Variants in FOXQ1 observed in about 807,000 individuals in gnomAD.
The protein encoded by FOXQ1 is forkhead box Q1.
In FOXQ1, 1 loss-of-function variant was observed where a neutral mutation model predicts 0.6. The observed-to-expected ratio is 1.73, with a 90% CI of 0.61 to 8.20. The LOEUF (loss-of-function observed/expected upper bound fraction) is 8.20, where lower values mean the gene tolerates loss of function less well. FOXQ1 is among the 30% of genes most tolerant of loss of function. FOXQ1 has a pLI of 0.13. For synonymous variants in FOXQ1, 377 were observed against 294.4 expected (o/e 1.28, Z -2.87); for missense variants, 734 against 595.6 (o/e 1.23, Z -2.42).
rs1757590372 is a variant in FOXQ1 at position 1,313,660 on chromosome 6, C to T, written c.956C>T (p.Ala319Val). ...PALLPAAPCR[A>V]LLPLCAYGAG... ...CTCCTCCCCGCGGCGCCCTGCAGGG[C>T]CCTGCTGCCGCTCTGCGCGTACGGC... Residue 319 changes from alanine (A) to valine (V), a missense_variant, in exon 1 of 1, where the codon GCC (alanine) becomes GTC (valine). By Grantham distance (64) the Ala-to-Val change is moderately conservative. Transcript: ENST00000296839. The surrounding 1 kb of genome is among the most constrained non-coding windows in gnomAD (Gnocchi z 5.2). 9.6e-6 allele frequency: 10 copies of T among 1,043,916 alleles called. No individual in the cohort carries two copies. Among genetic ancestry groups the T allele is most frequent in the Admixed American group, 5.7e-5 (1 of 17,408 alleles). The allele number at this position is 1,043,916 out of a possible 1,614,324, so 64.7% of individuals were successfully genotyped here.
rs78460560 is a variant in FOXQ1 at position 1,312,843 on chromosome 6, G to A, written c.139G>A (p.Ala47Thr). ...DDSLGSDGDC[A>T]ANSPAAGGGA... ...CTCCCTGGGCTCAGATGGGGACTGC[G>A]CGGCCAACAGCCCGGCCGCGGGCGG... Residue 47 changes from alanine to threonine, a missense_variant, in exon 1 of 1, where the codon GCG (alanine) becomes ACG (threonine). Coordinates refer to ENST00000296839, the MANE Select transcript of FOXQ1 (RefSeq NM_033260.4). 262,647 of 1,288,654 alleles carry A rather than the reference G, an allele frequency of 0.2. 27,221 individuals are homozygous for A. The highest frequency in any genetic ancestry group is 0.3 in the East Asian group (9,691 of 32,122). 79.8% of individuals were successfully genotyped at this position (1,288,654 alleles called of 1,614,324 possible). A position where few individuals can be genotyped will look rare whatever the true frequency, so the allele number is the denominator to read the frequency against.
In FOXQ1 at chr6:1,313,348, G is replaced by C. The variant is rs757422995; in HGVS notation, c.644G>C (p.Arg215Pro). The change falls in exon 1 of 1, where the codon CGC becomes CCC. Residue 215 changes from arginine (R) to proline (P), a missense_variant. By Grantham distance (103) the Arg-to-Pro change is moderately radical (BLOSUM62 -2). Coordinates refer to ENST00000296839, the MANE Select transcript of FOXQ1 (RefSeq NM_033260.4). The surrounding 1 kb of genome is among the most constrained non-coding windows in gnomAD (Gnocchi z 5.2). ...ADGVFRRRRK[R>P]LSHRAPVPAP... The stretch of plus-strand genomic sequence containing the variant: ...GGGGTCTTCCGCCGCCGCCGCAAGC[G>C]CCTCAGCCACCGCGCGCCGGTCCCC... 1 of 1,556,698 alleles carries C rather than the reference G, an allele frequency of 6.4e-7. No homozygotes were observed. Among genetic ancestry groups the C allele is most frequent in the South Asian group, 1.2e-5 (1 of 86,346 alleles).
rs1268120230 is a variant in FOXQ1 at position 1,312,248 on chromosome 6, AT to A, written c.-456del. Among the ~76,000 whole-genome samples the A allele has an allele frequency of 1.3e-5, 2 of 152,164 alleles. No individual in the cohort carries two copies. The highest frequency in any genetic ancestry group is 1.3e-4 in the Admixed American group (2 of 15,284). On this transcript the variant is annotated 5_prime_UTR_variant, in exon 1 of 1. Coordinates refer to ENST00000296839, the MANE Select transcript of FOXQ1 (RefSeq NM_033260.4). ...CTTCCCCCACGGTGGCACGCACATC[AT>A]CCGGCACCATTTCCGTGCCCCGAAG...
Position 1,312,981 on chromosome 6 carries a change from G to C in FOXQ1, c.277G>C (p.Ala93Pro). The change falls in exon 1 of 1, where the codon GCC becomes CCC. Residue 93 changes from alanine (A) to proline (P), a missense_variant. Physicochemically the swap from Ala to Pro is conservative, Grantham distance 27. Transcript: ENST00000296839. ...AGCGGTGGTGGCGGAGGGCGCGGAG[G>C]CCGGGGCGGCGGGGCCAGGCGCGGG... ...AAAVVAEGAEAGAAGPGAGGA... is the reference protein window; with the variant it reads ...AAAVVAEGAEPGAAGPGAGGA... The C allele has an allele frequency of 7.7e-7, 1 of 1,296,764 alleles. No individual in the cohort carries two copies. The highest frequency in any genetic ancestry group is 9.7e-7 in the Non-Finnish European group (1 of 1,025,808). 80.3% of individuals were successfully genotyped at this position (1,296,764 alleles called of 1,614,324 possible). A position where few individuals can be genotyped will look rare whatever the true frequency, so the allele number is the denominator to read the frequency against.
rs1757587789 is a variant in FOXQ1 at position 1,313,553 on chromosome 6, C to T, written c.849C>T (p.Ser283=). 3 of 1,265,470 alleles carry T rather than the reference C, an allele frequency of 2.4e-6. No homozygotes were observed. Among genetic ancestry groups the T allele is most frequent in the East Asian group, 4.5e-5 (1 of 22,090 alleles). The allele number at this position is 1,265,470 out of a possible 1,614,324, so 78.4% of individuals were successfully genotyped here. ...GCATCCTGCGCAAGCCCTTCCGCAG[C>T]CGCCGCCTCAGGGACACGGCCCCCG... The part of the protein sequence containing the change: ...IDSILRKPFR[S]RRLRDTAPGT... The change falls in exon 1 of 1, where the codon AGC becomes AGT. Residue 283 remains serine, a synonymous_variant. Coordinates refer to ENST00000296839, the MANE Select transcript of FOXQ1 (RefSeq NM_033260.4). The surrounding 1 kb of genome is among the most constrained non-coding windows in gnomAD (Gnocchi z 5.2).
chr6:1,313,696 C>T lies in FOXQ1; in HGVS notation c.992C>T (p.Pro331Leu), dbSNP rs1757591709. ...LPLCAYGAGE[P>L]ARLGAREAEV... ...CTCTGCGCGTACGGCGCGGGCGAGC[C>T]GGCGCGGCTGGGCGCGCGCGAGGCC... is the stretch of plus-strand genomic sequence containing the variant. Residue 331 changes from proline (P) to leucine (L), a missense_variant, in exon 1 of 1, where the codon CCG (proline) becomes CTG (leucine). Pro to Leu is a moderately conservative substitution (Grantham distance 98). Coordinates refer to ENST00000296839, the MANE Select transcript of FOXQ1 (RefSeq NM_033260.4). The surrounding 1 kb of genome is among the most constrained non-coding windows in gnomAD (Gnocchi z 5.2). 2 of 1,047,072 alleles carry T rather than the reference C, an allele frequency of 1.9e-6. No homozygotes were observed. Among genetic ancestry groups the T allele is most frequent in the East Asian group, 7.7e-5 (1 of 12,980 alleles). 64.9% of individuals were successfully genotyped at this position (1,047,072 alleles called of 1,614,324 possible).
Position 1,312,714 on chromosome 6 carries a change from G to C in FOXQ1, c.10G>C (p.Glu4Gln). 17 of 1,361,830 alleles carry C rather than the reference G, an allele frequency of 1.2e-5. No homozygotes were observed. Among genetic ancestry groups the C allele is most frequent in the Non-Finnish European group, 1.6e-5 (17 of 1,060,420 alleles). 84.4% of individuals were successfully genotyped at this position (1,361,830 alleles called of 1,614,324 possible). Residue 4 changes from glutamate (E) to glutamine (Q), a missense_variant, in exon 1 of 1, where the codon GAG (glutamate) becomes CAG (glutamine). Coordinates refer to ENST00000296839, the MANE Select transcript of FOXQ1 (RefSeq NM_033260.4). ...GACTGGGTGCGCGGGCATGAAGTTG[G>C]AGGTGTTCGTCCCTCGCGCGGCCCA... MKL[E>Q]VFVPRAAHGD...
Position 1,312,947 on chromosome 6 carries a change from A to AGCT in FOXQ1, c.249_251dup (p.Ala85dup). The AGCT allele has an allele frequency of 7.8e-7, 1 of 1,276,320 alleles. No homozygotes were observed. 79.1% of individuals were successfully genotyped at this position (1,276,320 alleles called of 1,614,324 possible). A position where few individuals can be genotyped will look rare whatever the true frequency, so the allele number is the denominator to read the frequency against. On this transcript the variant is annotated inframe_insertion, in exon 1 of 1. Transcript: ENST00000296839. ...GCGCGGAGGAGGCGATCCCGGCAGCAGCTGCTGCAGCGGTGGTGGCGGAGG... is the reference window on the plus strand; with the variant it reads ...GCGCGGAGGAGGCGATCCCGGCAGCAGCTGCTGCTGCAGCGGTGGTGGCGGAGG...
At position 1,313,471 on chromosome 6, in the gene FOXQ1, G is replaced by C; in HGVS notation, c.767G>C (p.Arg256Pro). Residue 256 changes from arginine (R) to proline (P), a missense_variant, in exon 1 of 1, where the codon CGC (arginine) becomes CCC (proline). By Grantham distance (103) the Arg-to-Pro change is moderately radical. Coordinates refer to ENST00000296839, the MANE Select transcript of FOXQ1 (RefSeq NM_033260.4). The surrounding 1 kb of genome is among the most constrained non-coding windows in gnomAD (Gnocchi z 5.2). ...TCGCCCCGCATGCGCTCGCCCGCCC[G>C]CCAGGAGGAGCGCGCCAGCCCCGCG... ...PASPRMRSPA[R>P]QEERASPAGK... 1 of 1,103,984 alleles carries C rather than the reference G, an allele frequency of 9.1e-7. No homozygotes were observed. Among genetic ancestry groups the C allele is most frequent in the Non-Finnish European group, 1.1e-6 (1 of 900,186 alleles). 68.4% of individuals were successfully genotyped at this position (1,103,984 alleles called of 1,614,324 possible). A position where few individuals can be genotyped will look rare whatever the true frequency, so the allele number is the denominator to read the frequency against.
Position 1,313,409 on chromosome 6 carries a change from C to G in FOXQ1, c.705C>G (p.Leu235=). 1.0e-6 allele frequency: 1 copy of G among 1,004,672 alleles called. No homozygotes were observed. The highest frequency in any genetic ancestry group is 1.2e-6 in the Non-Finnish European group (1 of 844,516). 62.2% of individuals were successfully genotyped at this position (1,004,672 alleles called of 1,614,324 possible). ...TGCGGCCCGAGGAGGCCCCGGGCCT[C>G]CCCGCCGCCCCGCCGCCCGCGCCCG... ...PGLRPEEAPG[L]PAAPPPAPAA... The change falls in exon 1 of 1, where the codon CTC becomes CTG. Residue 235 remains leucine (L), a synonymous_variant. Transcript: ENST00000296839. The surrounding 1 kb of genome is among the most constrained non-coding windows in gnomAD (Gnocchi z 5.2).
chr6:1,314,032 A>C lies in FOXQ1; in HGVS notation c.*116A>C. 2.5e-5 allele frequency: 29 copies of C among 1,182,534 alleles called. No individual in the cohort carries two copies. Among genetic ancestry groups the C allele is most frequent in the South Asian group, 8.7e-5 (2 of 22,890 alleles). The allele number at this position is 1,182,534 out of a possible 1,614,324, so 73.3% of individuals were successfully genotyped here. ...AGGAAGATGAATTTTTAAAATCTCC[A>C]TCAAACGTGCCTTAAAGCTAAAGCA... On this transcript the variant is annotated 3_prime_UTR_variant, in exon 1 of 1. Coordinates refer to ENST00000296839, the MANE Select transcript of FOXQ1 (RefSeq NM_033260.4).
In FOXQ1 at chr6:1,313,679, G is replaced by A; in HGVS notation, c.975G>A (p.Ala325=). The A allele has an allele frequency of 9.7e-7, 1 of 1,034,212 alleles. No individual in the cohort carries two copies. The highest frequency in any genetic ancestry group is 1.2e-6 in the Non-Finnish European group (1 of 864,604). 64.1% of individuals were successfully genotyped at this position (1,034,212 alleles called of 1,614,324 possible). A position where few individuals can be genotyped will look rare whatever the true frequency, so the allele number is the denominator to read the frequency against. Residue 325 remains alanine, a synonymous_variant, in exon 1 of 1, where the codon GCG becomes GCA. Transcript: ENST00000296839. This position sits in a 1 kb window ranked among gnomAD's most constrained non-coding sequence, Gnocchi z 5.2. ...GCAGGGCCCTGCTGCCGCTCTGCGCGTACGGCGCGGGCGAGCCGGCGCGGC... is the reference window on the plus strand; with the variant it reads ...GCAGGGCCCTGCTGCCGCTCTGCGCATACGGCGCGGGCGAGCCGGCGCGGC... ...APCRALLPLC[A]YGAGEPARLG...
rs1757591348 is a variant in FOXQ1 at position 1,313,682 on chromosome 6, C to T, written c.978C>T (p.Tyr326=). The T allele has an allele frequency of 3.9e-6, 4 of 1,031,356 alleles. No homozygotes were observed. The highest frequency in any genetic ancestry group is 5.8e-5 in the Admixed American group (1 of 17,322). 63.9% of individuals were successfully genotyped at this position (1,031,356 alleles called of 1,614,324 possible). A position where few individuals can be genotyped will look rare whatever the true frequency, so the allele number is the denominator to read the frequency against. The change falls in exon 1 of 1, where the codon TAC becomes TAT. Residue 326 remains tyrosine, a synonymous_variant. Coordinates refer to ENST00000296839, the MANE Select transcript of FOXQ1 (RefSeq NM_033260.4). This position sits in a 1 kb window ranked among gnomAD's most constrained non-coding sequence, Gnocchi z 5.2. ...PCRALLPLCA[Y]GAGEPARLGA... is the part of the protein sequence containing the mutation. ...GGGCCCTGCTGCCGCTCTGCGCGTA[C>T]GGCGCGGGCGAGCCGGCGCGGCTGG...
In FOXQ1 at chr6:1,313,741, C is replaced by T. The variant is rs1581235516; in HGVS notation, c.1037C>T (p.Pro346Leu). 3 of 1,177,256 alleles carry T rather than the reference C, an allele frequency of 2.5e-6. No individual in the cohort carries two copies. The highest frequency in any genetic ancestry group is 3.8e-5 in the East Asian group (1 of 26,588). The allele number at this position is 1,177,256 out of a possible 1,614,324, so 72.9% of individuals were successfully genotyped here. The change falls in exon 1 of 1, where the codon CCG becomes CTG. Residue 346 changes from proline to leucine, a missense_variant. Coordinates refer to ENST00000296839, the MANE Select transcript of FOXQ1 (RefSeq NM_033260.4). The surrounding 1 kb of genome is among the most constrained non-coding windows in gnomAD (Gnocchi z 5.2). Reference sequence around the variant, plus strand: ...GAGGCCGAGGTGCCACCGACCGCGCCGCCCCTCCTGCTTGCACCTCTCCCG... The same window carrying T: ...GAGGCCGAGGTGCCACCGACCGCGCTGCCCCTCCTGCTTGCACCTCTCCCG... Reference protein sequence around the residue: ...AREAEVPPTAPPLLLAPLPAA... With the variant: ...AREAEVPPTALPLLLAPLPAA...
Position 1,313,842 on chromosome 6 carries a change from G to T in FOXQ1, c.1138G>T (p.Ala380Ser), listed in dbSNP as rs1386208662. ...AHLYCPLRLP[A>S]ALQAASVRRP... is the part of the protein sequence containing the mutation. ...CCTGTACTGCCCCCTGCGGCTGCCC[G>T]CAGCCCTGCAGGCGGCCTCAGTCCG... The change falls in exon 1 of 1, where the codon GCA (alanine) becomes TCA (serine). Residue 380 changes from alanine to serine, a missense_variant. Ala to Ser is a moderately conservative substitution (Grantham distance 99). Coordinates refer to ENST00000296839, the MANE Select transcript of FOXQ1 (RefSeq NM_033260.4). The surrounding 1 kb of genome is among the most constrained non-coding windows in gnomAD (Gnocchi z 5.2). 1 of 1,299,554 alleles carries T rather than the reference G, an allele frequency of 7.7e-7. No individual in the cohort carries two copies. The highest frequency in any genetic ancestry group is 9.7e-7 in the Non-Finnish European group (1 of 1,029,618). 80.5% of individuals were successfully genotyped at this position (1,299,554 alleles called of 1,614,324 possible). A position where few individuals can be genotyped will look rare whatever the true frequency, so the allele number is the denominator to read the frequency against.
rs1232407632 is a variant in FOXQ1, at chr6:1,312,196, G to A, written c.-509G>A. Among the ~76,000 whole-genome samples, 1 of 152,206 alleles carries A rather than the reference G, an allele frequency of 6.6e-6. No homozygotes were observed. Among genetic ancestry groups the A allele is most frequent in the African/African-American group, 2.4e-5 (1 of 41,460 alleles). ...AGCGGCCTCGGGGACTCGCCTCCGC[G>A]GGTGCTCAAGGCTGAAGGCGCCGGA... is the stretch of plus-strand genomic sequence containing the variant. On this transcript the variant is annotated 5_prime_UTR_variant, in exon 1 of 1. Transcript: ENST00000296839.
chr6:1,313,409 C>T lies in FOXQ1; in HGVS notation c.705C>T (p.Leu235=), dbSNP rs1757583832. 3 of 1,004,672 alleles carry T rather than the reference C, an allele frequency of 3.0e-6. No individual in the cohort carries two copies. Among genetic ancestry groups the T allele is most frequent in the Non-Finnish European group, 3.6e-6 (3 of 844,516 alleles). The allele number at this position is 1,004,672 out of a possible 1,614,324, so 62.2% of individuals were successfully genotyped here. The change falls in exon 1 of 1, where the codon CTC becomes CTT. Residue 235 remains leucine (L), a synonymous_variant. Coordinates refer to ENST00000296839, the MANE Select transcript of FOXQ1 (RefSeq NM_033260.4). This position sits in a 1 kb window ranked among gnomAD's most constrained non-coding sequence, Gnocchi z 5.2. Reference sequence around the variant, plus strand: ...TGCGGCCCGAGGAGGCCCCGGGCCTCCCCGCCGCCCCGCCGCCCGCGCCCG... The same window carrying T: ...TGCGGCCCGAGGAGGCCCCGGGCCTTCCCGCCGCCCCGCCGCCCGCGCCCG... ...PGLRPEEAPG[L]PAAPPPAPAA...
At position 1,312,956 on chromosome 6, in the gene FOXQ1, A is replaced by G; in HGVS notation, c.252A>G (p.Ala84=). The part of the protein sequence containing the change: ...AEEAIPAAAA[A]AVVAEGAEAG... ...AGGCGATCCCGGCAGCAGCTGCTGC[A>G]GCGGTGGTGGCGGAGGGCGCGGAGG... is the stretch of plus-strand genomic sequence containing the variant. The change falls in exon 1 of 1, where the codon GCA becomes GCG. Residue 84 remains alanine, a synonymous_variant. Coordinates refer to ENST00000296839, the MANE Select transcript of FOXQ1 (RefSeq NM_033260.4). 3.9e-6 allele frequency: 5 copies of G among 1,282,310 alleles called. No individual in the cohort carries two copies. Among genetic ancestry groups the G allele is most frequent in the Non-Finnish European group, 4.9e-6 (5 of 1,018,426 alleles). The allele number at this position is 1,282,310 out of a possible 1,614,324, so 79.4% of individuals were successfully genotyped here.
At position 1,313,641 on chromosome 6, in the gene FOXQ1, C is replaced by T. The variant is rs2113292842; in HGVS notation, c.937C>T (p.Pro313Ser). 2 of 1,079,932 alleles carry T rather than the reference C, an allele frequency of 1.9e-6. No individual in the cohort carries two copies. The highest frequency in any genetic ancestry group is 6.0e-5 in the South Asian group (2 of 33,160). The allele number at this position is 1,079,932 out of a possible 1,614,324, so 66.9% of individuals were successfully genotyped here. Reference protein sequence around the residue: ...PPLPAFPALLPAAPCRALLPL... With the variant: ...PPLPAFPALLSAAPCRALLPL... ...GCTGCCCGCGTTCCCCGCGCTCCTC[C>T]CCGCGGCGCCCTGCAGGGCCCTGCT... is the stretch of plus-strand genomic sequence containing the variant. Residue 313 changes from proline (P) to serine (S), a missense_variant, in exon 1 of 1, where the codon CCC becomes TCC. Physicochemically the swap from Pro to Ser is moderately conservative, Grantham distance 74 (BLOSUM62 -1). Transcript: ENST00000296839. This position sits in a 1 kb window ranked among gnomAD's most constrained non-coding sequence, Gnocchi z 5.2.
Sources: allele counts gnomAD v4.1 joint callset (sites outside exome capture counted in the v4.1 genomes callset), GRCh38; gene constraint gnomAD v4.1.1; non-coding constraint Gnocchi (gnomAD v3.1); transcripts MANE v1.5; gene names NCBI Gene and HGNC (gene_info 2026-07-23, HGNC 2026-07-21).